RABGAP1L: variants seen among roughly 807,000 people sequenced by gnomAD.
RABGAP1L encodes RAB GTPase activating protein 1 like, also known as rab GTPase-activating protein 1-like.
RABGAP1L carries 63 observed loss-of-function variants against 137.7 expected under a neutral mutation model. The observed-to-expected ratio is 0.46, with a 90% CI of 0.37 to 0.56. The LOEUF (loss-of-function observed/expected upper bound fraction) is 0.56. Ranked by LOEUF, RABGAP1L falls within the 20% of genes least tolerant of loss-of-function variation. The probability of loss-of-function intolerance (pLI) is 0.00; values close to 1 mark genes in which losing one functional copy is unlikely to be tolerated. For synonymous variants in RABGAP1L, 431 were observed against 433.7 expected (o/e 0.99, Z 0.08); for missense variants, 1,095 against 1,244.0 (o/e 0.88, Z 1.80).
chr1:174,324,203 A>G (rs1680249872), intron 11 of RABGAP1L, among the ~76,000 whole-genome samples: 2 of 152,158 alleles, frequency 1.3e-5, no homozygotes, highest in Admixed American at 1.3e-4. Flanking sequence ...TTGTCTTGAA[A>G]CAGTTATACT....
intron 1 of RABGAP1L, among the ~76,000 whole-genome samples, chr1:174,172,177 TGTG>T (rs1405045206): frequency 3.6e-4 from 3 of 8,428 alleles, no homozygotes; most frequent in East Asian, 2.5e-3. Context: ...AATATTCCCT[TGTG>T]TGTGTGTGTG....
intron 22 of RABGAP1L, among the ~76,000 whole-genome samples, chr1:174,977,165 A>G (rs927411373): frequency 1.3e-5 from 2 of 152,196 alleles, no homozygotes; most frequent in African/African-American, 2.4e-5. Flanking sequence ...CTAAAGTTAC[A>G]TGTGGAGGAA....
chr1:174,496,414 G>T (rs957254014), intron 13 of RABGAP1L, among the ~76,000 whole-genome samples: 2 of 152,162 alleles, frequency 1.3e-5, no homozygotes, highest in Admixed American at 1.3e-4. Context: ...AGAACAGCAA[G>T]ATTGTCTGAG....
At chr1:174,811,179 T>C (rs1689836607) in intron 18 of RABGAP1L, among the ~76,000 whole-genome samples, 1 of 152,242 alleles carries the variant, frequency 6.6e-6, no homozygotes, top group South Asian at 2.1e-4. Context: ...CTTTTTTCTG[T>C]GCACAGATAT....
chr1:174,912,407 T>A (rs573226284), intron 19 of RABGAP1L, among the ~76,000 whole-genome samples: 3 of 152,356 alleles, frequency 2.0e-5, no homozygotes, highest in Non-Finnish European at 4.4e-5. Context: ...CCTCCTAAAG[T>A]GCTGGGATTG....
intron 10 of RABGAP1L, among the ~76,000 whole-genome samples, chr1:174,295,345 T>G (rs1300323066): frequency 6.6e-6 from 1 of 152,012 alleles, no homozygotes; most frequent in African/African-American, 2.4e-5. Context: ...CCCAAGTTGC[T>G]GGGACTACAG....
At chr1:174,810,587 A>G (rs947427533) in intron 18 of RABGAP1L, among the ~76,000 whole-genome samples, 3 of 152,156 alleles carry the variant, frequency 2.0e-5, no homozygotes, top group Admixed American at 6.5e-5. Flanking sequence ...GCATGTAGTT[A>G]TGTGATTTCT....
At chr1:174,320,372 G>C (rs1000684650) in intron 11 of RABGAP1L, among the ~76,000 whole-genome samples, 2 of 152,048 alleles carry the variant, frequency 1.3e-5, no homozygotes, top group African/African-American at 2.4e-5. Context: ...GCTTCTTTAC[G>C]TAGCATAATG....
chr1:174,302,577 G>A (rs560490438), intron 10 of RABGAP1L, among the ~76,000 whole-genome samples: 1 of 152,232 alleles, frequency 6.6e-6, no homozygotes, highest in Admixed American at 6.5e-5. Context: ...TTTATTTTCA[G>A]GCAAGAGATA....
intron 13 of RABGAP1L, among the ~76,000 whole-genome samples, chr1:174,523,074 C>A (rs138143423): frequency 9.8e-5 from 15 of 152,288 alleles, no homozygotes; most frequent in African/African-American, 3.4e-4. Context: ...CTTCTGTTAG[C>A]CCTCAGCATA....
At chr1:174,634,841 C>G (rs1299624005) in intron 13 of RABGAP1L, among the ~76,000 whole-genome samples, 1 of 139,160 alleles carries the variant, frequency 7.2e-6, no homozygotes, top group African/African-American at 2.8e-5. Flanking sequence ...AATGAGATCA[C>G]ATGGACACAG....
intron 13 of RABGAP1L, among the ~76,000 whole-genome samples, chr1:174,423,386 TA>T (rs1272361393): frequency 2.0e-5 from 3 of 152,186 alleles, no homozygotes; most frequent in East Asian, 3.8e-4. Flanking sequence ...ATAATGAATG[TA>T]AAAAATATCT....
chr1:174,671,135 C>T (rs1028843440), intron 14 of RABGAP1L, among the ~76,000 whole-genome samples: 10 of 152,072 alleles, frequency 6.6e-5, no homozygotes, highest in South Asian at 2.1e-4. Flanking sequence ...AATAGTTCAC[C>T]GTTAGTGCAT....
intron 13 of RABGAP1L, among the ~76,000 whole-genome samples, chr1:174,501,641 T>A (rs1661287388): frequency 6.6e-6 from 1 of 152,210 alleles, no homozygotes; most frequent in South Asian, 2.1e-4. Context: ...GCTTAAAAAA[T>A]AATTTTTGGA....
At chr1:174,374,478 T>C (rs1685355190) in intron 12 of RABGAP1L, among the ~76,000 whole-genome samples, 1 of 152,082 alleles carries the variant, frequency 6.6e-6, no homozygotes, top group Admixed American at 6.5e-5. Context: ...CTAAAACTAA[T>C]ACCTTATACT....
intron 13 of RABGAP1L, among the ~76,000 whole-genome samples, chr1:174,568,172 A>G (rs966294160): frequency 3.9e-5 from 6 of 152,122 alleles, no homozygotes; most frequent in Non-Finnish European, 8.8e-5. Flanking sequence ...GAGAGCAAGC[A>G]GGGTGGAGAG....
chr1:174,797,722 TGTGTGG>T (rs1274444349), intron 18 of RABGAP1L, among the ~76,000 whole-genome samples: 1 of 146,046 alleles, frequency 6.8e-6, no homozygotes, highest in Non-Finnish European at 1.5e-5. Flanking sequence ...TGGTGTGTGG[TGTGTGG>T]GTGTGGGTGT....
intron 13 of RABGAP1L, among the ~76,000 whole-genome samples, chr1:174,546,757 G>A (rs1210202756): frequency 5.9e-5 from 9 of 152,166 alleles, no homozygotes; most frequent in East Asian, 1.9e-4. Flanking sequence ...TTGGCCGGGC[G>A]CGGTGGCTCA....
intron 13 of RABGAP1L, among the ~76,000 whole-genome samples, chr1:174,587,827 G>T (rs1249236872): frequency 2.0e-5 from 3 of 152,064 alleles, no homozygotes; most frequent in Non-Finnish European, 4.4e-5. Flanking sequence ...ATTTCTTTGT[G>T]TTATAAACAT....
Sources: gnomAD v4.1 joint callset for allele counts (sites outside exome capture counted in the v4.1 genomes callset) on GRCh38, gnomAD v4.1.1 for gene constraint, MANE v1.5 for transcripts, NCBI Gene and HGNC (gene_info 2026-07-23, HGNC 2026-07-21) for gene names.